The following STK36 variants were observed in gnomAD, a reference collection of about 807,000 sequenced individuals.
STK36 encodes the protein serine/threonine-protein kinase 36.
A neutral mutation model predicts 142.2 loss-of-function variants in STK36; 116 were observed. That is an observed-to-expected ratio of 0.82 (90% CI 0.70 to 0.95). The LOEUF (loss-of-function observed/expected upper bound fraction) is 0.95. Among genes scored for constraint, STK36 ranks in the 40% least tolerant of loss-of-function variants. STK36 has a pLI of 0.00. For synonymous variants in STK36, 619 were observed against 641.7 expected (o/e 0.96, Z 0.53); for missense variants, 1,422 against 1,617.2 (o/e 0.88, Z 2.07).
Position 218,672,732 on chromosome 2 carries a change from CCCAA to C in STK36, c.-89-7_-89-4del. 1 of 1,218,872 alleles carries C rather than the reference CCCAA, an allele frequency of 8.2e-7. No individual in the cohort carries two copies. The allele number at this position is 1,218,872 out of a possible 1,614,324, so 75.5% of individuals were successfully genotyped here. A position where few individuals can be genotyped will look rare whatever the true frequency, so the allele number is the denominator to read the frequency against. ...GGCTAACATTTTTCCTTTCCCGTGC[CCCAA>C]CTAGGCGTCCCAGATGTTGTGGAAC... On this transcript the variant is annotated splice_polypyrimidine_tract_variant and splice_region_variant and intron_variant, in intron 1 of 26. Coordinates refer to ENST00000295709, the MANE Select transcript of STK36 (RefSeq NM_015690.5).
chr2:218,697,642 C>T, intron 24 of STK36, 32 bp downstream of exon 24: 1 of 1,612,202 alleles, frequency 6.2e-7, no homozygotes, highest in Non-Finnish European at 8.5e-7. Flanking sequence ...GCCACAGAGT[C>T]AGCAACGGGG....
chr2:218,675,446 G>A lies in STK36; in HGVS notation c.407G>A (p.Gly136Asp). Residue 136 changes from glycine to aspartate, a missense_variant, in exon 5 of 27, where the codon GGT (glycine) becomes GAT (aspartate). Gly to Asp is a moderately conservative substitution (Grantham distance 94). This residue lies in a region of STK36 where 460 missense variants were observed against 449.6 expected (regional missense o/e 1.02). Coordinates refer to ENST00000295709, the MANE Select transcript of STK36 (RefSeq NM_015690.5). The part of the protein sequence containing the change: ...MKPQNILLAK[G>D]GGIKLCDFGF... ...CCTCAGAACATCCTCCTCGCCAAGGGTGGTGGCATCAAGCTCTGTGACTTT... is the reference window on the plus strand; with the variant it reads ...CCTCAGAACATCCTCCTCGCCAAGGATGGTGGCATCAAGCTCTGTGACTTT... The A allele has an allele frequency of 1.2e-6, 2 of 1,612,912 alleles. No homozygotes were observed. The highest frequency in any genetic ancestry group is 8.5e-7 in the Non-Finnish European group (1 of 1,179,778).
At chr2:218,697,828 A>G (rs1297543403) in intron 24 of STK36, 26 bp from the exon 25 acceptor site, 2 of 1,614,190 alleles carry the variant, frequency 1.2e-6, no homozygotes, top group East Asian at 2.2e-5. Context: ...AACAAGACCA[A>G]GTCTCTTCGA....
chr2:218,688,155 T>C (rs1023864450), intron 11 of STK36, among the ~76,000 whole-genome samples: 6 of 152,210 alleles, frequency 3.9e-5, no homozygotes, highest in African/African-American at 1.2e-4. Flanking sequence ...AGTGAAACTC[T>C]GTCTCGAAAA....
chr2:218,696,904 A>G (rs1941254005), intron 22 of STK36, 135 bp from the exon 23 acceptor site: 1 of 1,269,130 alleles, frequency 7.9e-7, no homozygotes, highest in East Asian at 2.3e-5. Flanking sequence ...GACGACAGGG[A>G]AATACTAGGT....
intron 1 of STK36, chr2:218,672,478 T>G: frequency 6.5e-6 from 2 of 307,104 alleles, no homozygotes. Context: ...GCAGGGTTGG[T>G]TGGGCGAGGC....
intron 11 of STK36, among the ~76,000 whole-genome samples, chr2:218,685,696 T>C (rs767233910): frequency 6.6e-6 from 1 of 152,200 alleles, no homozygotes; most frequent in Non-Finnish European, 1.5e-5. Flanking sequence ...AAAGTTAGTG[T>C]AAAGTTAGTG....
chr2:218,679,083 G>T, intron 6 of STK36, 85 bp from the exon 7 acceptor site: 2 of 1,300,474 alleles, frequency 1.5e-6, no homozygotes, highest in Non-Finnish European at 1.1e-6. Flanking sequence ...ATGGATGTGG[G>T]ATTCTTGGTT....
At chr2:218,672,701 C>A in intron 1 of STK36, 40 bp from the exon 2 acceptor site, 1 of 819,884 alleles carries the variant, frequency 1.2e-6, no homozygotes, top group South Asian at 1.6e-5. Flanking sequence ...GAGGAAAAGG[C>A]AAGGTGGCTA....
chr2:218,701,871 G>A lies in STK36; in HGVS notation c.3810G>A (p.Leu1270=), dbSNP rs1266503444. ...LQQEPGIHQV[L]VSLGASEKLS... Reference sequence around the variant, plus strand: ...ATCTGTTCTCTATCCTACAGGTACTGGTGTCCCTGGGTGCCAGTGAGAAAC... The same window carrying A: ...ATCTGTTCTCTATCCTACAGGTACTAGTGTCCCTGGGTGCCAGTGAGAAAC... The change falls in exon 27 of 27, where the codon CTG becomes CTA. Residue 1270 remains leucine, a synonymous_variant. Transcript: ENST00000295709. 1 of 1,613,904 alleles carries A rather than the reference G, an allele frequency of 6.2e-7. No homozygotes were observed. Among genetic ancestry groups the A allele is most frequent in the African/African-American group, 1.3e-5 (1 of 74,880 alleles).
At chr2:218,692,967 A>T (rs1034715679) in intron 16 of STK36, among the ~76,000 whole-genome samples, 1 of 152,190 alleles carries the variant, frequency 6.6e-6, no homozygotes, top group Admixed American at 6.5e-5. Context: ...GCCTCCAGTG[A>T]TGCTTCCTCA....
At chr2:218,698,261 C>G (rs1941310415) in intron 25 of STK36, among the ~76,000 whole-genome samples, 1 of 152,184 alleles carries the variant, frequency 6.6e-6, no homozygotes, top group Non-Finnish European at 1.5e-5. Context: ...ACATCCTAGT[C>G]TAGGCACTGA....
chr2:218,698,529 C>G, intron 25 of STK36, 73 bp from the exon 26 acceptor site: 2 of 1,538,626 alleles, frequency 1.3e-6, no homozygotes, highest in Non-Finnish European at 1.7e-6. Context: ...TTTCTCTCTC[C>G]CAGGTTTTGG....
intron 15 of STK36, 56 bp from the exon 16 acceptor site, chr2:218,692,527 A>G (rs1941046369): frequency 5.7e-6 from 9 of 1,566,264 alleles, no homozygotes; most frequent in Non-Finnish European, 7.8e-6. Flanking sequence ...TACTGGTGCT[A>G]TTGTCTAGGG....
chr2:218,674,633 G>A (rs1039729231), intron 4 of STK36, among the ~76,000 whole-genome samples: 38 of 152,104 alleles, frequency 2.5e-4, no homozygotes, highest in African/African-American at 8.9e-4. Context: ...ACAGAGTCTC[G>A]CTTTGTTGCC....
intron 14 of STK36, among the ~76,000 whole-genome samples, chr2:218,691,501 T>A (rs1940996291): frequency 1.3e-5 from 2 of 152,168 alleles, no homozygotes; most frequent in Non-Finnish European, 2.9e-5. Flanking sequence ...CTCCTGAAAT[T>A]CTGAATCAGT....
rs1940390073 is a variant in STK36, at chr2:218,679,212, G to A, written c.729G>A (p.Leu243=). The change falls in exon 7 of 27, where the codon CTG becomes CTA. Residue 243 remains leucine (L), a synonymous_variant. Coordinates refer to ENST00000295709, the MANE Select transcript of STK36 (RefSeq NM_015690.5). ...TCACCAAAGACCCACGGCAGCGACT[G>A]TCCTGGCCAGACCTCTTATATCACC... ...GLLTKDPRQR[L]SWPDLLYHPF... is the part of the protein sequence containing the mutation. 1 of 1,614,192 alleles carries A rather than the reference G, an allele frequency of 6.2e-7. No homozygotes were observed. Among genetic ancestry groups the A allele is most frequent in the Non-Finnish European group, 8.5e-7 (1 of 1,180,042 alleles).
At position 218,675,459 on chromosome 2, in the gene STK36, G is replaced by A; in HGVS notation, c.420G>A (p.Lys140=). The change falls in exon 5 of 27, where the codon AAG becomes AAA. Residue 140 remains lysine, a synonymous_variant. Coordinates refer to ENST00000295709, the MANE Select transcript of STK36 (RefSeq NM_015690.5). Reference sequence around the variant, plus strand: ...TCCTCGCCAAGGGTGGTGGCATCAAGCTCTGTGACTTTGGGTAAAGATTCT... The same window carrying A: ...TCCTCGCCAAGGGTGGTGGCATCAAACTCTGTGACTTTGGGTAAAGATTCT... The part of the protein sequence containing the change: ...NILLAKGGGI[K]LCDFGFARAM... The A allele has an allele frequency of 2.5e-6, 4 of 1,609,570 alleles. No individual in the cohort carries two copies. The highest frequency in any genetic ancestry group is 3.4e-6 in the Non-Finnish European group (4 of 1,178,148).
Position 218,697,190 on chromosome 2 carries a change from A to C in STK36, c.2738A>C (p.Asp913Ala), listed in dbSNP as rs752510721. The change falls in exon 23 of 27, where the codon GAC (aspartate) becomes GCC (alanine). Residue 913 changes from aspartate (D) to alanine (A), a missense_variant. Asp to Ala is a moderately radical substitution (Grantham distance 126, BLOSUM62 -2). This residue lies in a region of STK36 where 962 missense variants were observed against 1,167.5 expected (regional missense o/e 0.82). Coordinates refer to ENST00000295709, the MANE Select transcript of STK36 (RefSeq NM_015690.5). ...TCCAGTCCACCAAGCCCTGAGCCAG[A>C]CTGGACACTGATTTCTCCCCAGGGT... ...SLSSPPSPEP[D>A]WTLISPQGMA... The C allele has an allele frequency of 6.2e-7, 1 of 1,613,272 alleles. No homozygotes were observed. Among genetic ancestry groups the C allele is most frequent in the Non-Finnish European group, 8.5e-7 (1 of 1,179,770 alleles).
Sources: gnomAD v4.1 joint callset for allele counts (sites outside exome capture counted in the v4.1 genomes callset) on GRCh38, gnomAD v4.1.1 for gene constraint, gnomAD v4.1.1 regional missense constraint, MANE v1.5 for transcripts, NCBI Gene and HGNC (gene_info 2026-07-23, HGNC 2026-07-21) for gene names.